BMPR2: variants seen among roughly 807,000 people sequenced by gnomAD.
The protein encoded by BMPR2 is bone morphogenetic protein receptor type 2.
BMPR2 carries 29 observed loss-of-function variants against 100.8 expected under a neutral mutation model. The observed-to-expected ratio is 0.29, with a 90% confidence interval of 0.21 to 0.39. The LOEUF (loss-of-function observed/expected upper bound fraction) is 0.39. BMPR2 is among the 10% of genes least tolerant of loss of function. The pLI is 1.00. For missense variants in BMPR2, 1,011 were observed against 1,274.5 expected, an observed-to-expected ratio of 0.79 and a Z score of 3.15; for synonymous variants, 382 against 442.3, an observed-to-expected ratio of 0.86 and a Z score of 1.71.
At chr2:202,511,391 T>C (rs1687620703) in intron 3 of BMPR2, among the ~76,000 whole-genome samples, 1 of 152,226 alleles carries the variant, frequency 6.6e-6, no homozygotes, top group African/African-American at 2.4e-5. Flanking sequence ...AGTTTTTGTT[T>C]GAACACTTGT....
intron 7 of BMPR2, among the ~76,000 whole-genome samples, chr2:202,521,743 G>A (rs1687822652): frequency 6.6e-6 from 1 of 152,180 alleles, no homozygotes; most frequent in Non-Finnish European, 1.5e-5. Flanking sequence ...ATTTATGGAT[G>A]TGTAGGCTAG....
rs546202538 is a variant in BMPR2, at chr2:202,553,915, C to T, written c.1586+1027C>T. ...GTTAGCCAGACTGGTCTCAAACTCC[C>T]GACCCCTGGTGATCTGCCTGCCTTG... On this transcript the variant is annotated intron_variant, in intron 11 of 12. Transcript: ENST00000374580. Among the ~76,000 whole-genome samples the T allele has an allele frequency of 3.3e-5, 5 of 152,240 alleles. No homozygotes were observed. The East Asian group carries it at 9.7e-4, about 29-fold the overall frequency.
intron 7 of BMPR2, among the ~76,000 whole-genome samples, chr2:202,525,854 C>A (rs1687899881): frequency 8.3e-6 from 1 of 121,056 alleles, no homozygotes; most frequent in Non-Finnish European, 1.7e-5. Context: ...TTGTTCAGAG[C>A]ATCTTTTTTT....
At chr2:202,549,540 G>A (rs987358778) in intron 10 of BMPR2, among the ~76,000 whole-genome samples, 1 of 152,122 alleles carries the variant, frequency 6.6e-6, no homozygotes, top group South Asian at 2.1e-4. Flanking sequence ...GCGCAGTGGC[G>A]GAGTTCAAGA....
chr2:202,512,725 C>G (rs754423514), intron 3 of BMPR2, among the ~76,000 whole-genome samples: 30 of 152,052 alleles, frequency 2.0e-4, no homozygotes, highest in Non-Finnish European at 4.1e-4. Flanking sequence ...TTGTGATAGC[C>G]CTGTGATTTA....
intron 3 of BMPR2, among the ~76,000 whole-genome samples, chr2:202,481,913 C>T (rs1185803199): frequency 6.6e-6 from 1 of 152,146 alleles, no homozygotes; most frequent in Non-Finnish European, 1.5e-5. Flanking sequence ...TTCCTATTGT[C>T]GTACGACCAA....
At chr2:202,485,543 A>ATTTTTTTT (rs1574472655) in intron 3 of BMPR2, among the ~76,000 whole-genome samples, 3 of 14,054 alleles carry the variant, frequency 2.1e-4, no homozygotes, top group South Asian at 4.0e-3. Flanking sequence ...CTTTGCCTTT[A>ATTTTTTTT]TCTTTTTTTT....
intron 1 of BMPR2, among the ~76,000 whole-genome samples, chr2:202,385,729 GTT>G (rs71031894): frequency 2.0e-5 from 3 of 149,830 alleles, no homozygotes; most frequent in African/African-American, 7.3e-5. Context: ...AATTATATCT[GTT>G]TTTTTTACAT....
chr2:202,488,586 G>GTA (rs995610399), intron 3 of BMPR2, among the ~76,000 whole-genome samples: 1 of 151,896 alleles, frequency 6.6e-6, no homozygotes, highest in Non-Finnish European at 1.5e-5. Context: ...AGCCTCCCTA[G>GTA]TAGCTAGAAT....
intron 7 of BMPR2, among the ~76,000 whole-genome samples, chr2:202,527,680 G>A (rs567237704): frequency 6.6e-6 from 1 of 151,718 alleles, no homozygotes; most frequent in Non-Finnish European, 1.5e-5. Context: ...CCAGCTACTC[G>A]GGAGGCTGAG....
intron 1 of BMPR2, among the ~76,000 whole-genome samples, chr2:202,425,128 A>G (rs768055894): frequency 1.4e-4 from 21 of 151,944 alleles, no homozygotes; most frequent in Non-Finnish European, 2.2e-4. Context: ...TGGTCAGGCT[A>G]GTCTCGAACT....
At chr2:202,472,386 C>T (rs1444736948) in intron 3 of BMPR2, among the ~76,000 whole-genome samples, 1 of 152,200 alleles carries the variant, frequency 6.6e-6, no homozygotes, top group Non-Finnish European at 1.5e-5. Context: ...TGGCCATGTG[C>T]GGTGGCTCAC....
intron 1 of BMPR2, among the ~76,000 whole-genome samples, chr2:202,395,582 T>C (rs987883765): frequency 1.3e-5 from 2 of 152,136 alleles, no homozygotes; most frequent in African/African-American, 4.8e-5. Context: ...AGAATGCACA[T>C]AGATAGTAAT....
intron 1 of BMPR2, among the ~76,000 whole-genome samples, chr2:202,404,346 T>A (rs1690838245): frequency 6.6e-6 from 1 of 151,880 alleles, no homozygotes; most frequent in South Asian, 2.1e-4. Context: ...CATGCACCAC[T>A]GCACCCGGCT....
chr2:202,483,395 T>G (rs1223174650), intron 3 of BMPR2, among the ~76,000 whole-genome samples: 2 of 152,156 alleles, frequency 1.3e-5, no homozygotes, highest in African/African-American at 2.4e-5. Context: ...TTTTGTTTTT[T>G]TTTTGAGATG....
At chr2:202,507,990 G>GCACCCAGCTGAGTCTA (rs1361760102) in intron 3 of BMPR2, among the ~76,000 whole-genome samples, 1 of 151,426 alleles carries the variant, frequency 6.6e-6, no homozygotes, top group Non-Finnish European at 1.5e-5. Context: ...GTGAGCCACT[G>GCACCCAGCTGAGTCTA]TGCCTGTCCC....
At chr2:202,535,737 TG>T (rs1688141349) in intron 9 of BMPR2, among the ~76,000 whole-genome samples, 1 of 152,054 alleles carries the variant, frequency 6.6e-6, no homozygotes, top group South Asian at 2.1e-4. Context: ...GGCAGGCGGC[TG>T]GGAGGTGGAG....
intron 3 of BMPR2, among the ~76,000 whole-genome samples, chr2:202,486,317 A>G (rs1692777055): frequency 6.6e-6 from 1 of 152,198 alleles, no homozygotes; most frequent in Admixed American, 6.5e-5. Context: ...AAATATTTGT[A>G]TTATTTTGAA....
intron 1 of BMPR2, among the ~76,000 whole-genome samples, chr2:202,441,438 C>T (rs1003398825): frequency 1.3e-5 from 2 of 149,844 alleles, no homozygotes; most frequent in African/African-American, 5.1e-5. Flanking sequence ...GGTGCGGTGG[C>T]TCACGCCTGT....
Sources: gnomAD v4.1 joint callset for allele counts (sites outside exome capture counted in the v4.1 genomes callset) on GRCh38, gnomAD v4.1.1 for gene constraint, MANE v1.5 for transcripts, NCBI Gene and HGNC (gene_info 2026-07-23, HGNC 2026-07-21) for gene names.